The following RABEP1 variants were observed in gnomAD, a reference collection of about 807,000 sequenced individuals.
RABEP1 encodes rabaptin, RAB GTPase binding effector protein 1, also known as rab GTPase-binding effector protein 1.
A neutral mutation model predicts 123.4 loss-of-function variants in RABEP1; 51 were observed. That is an observed-to-expected ratio of 0.41 (90% CI 0.33 to 0.52). The LOEUF (loss-of-function observed/expected upper bound fraction) is 0.52. Among genes scored for constraint, RABEP1 ranks in the 20% least tolerant of loss-of-function variants. The pLI is 0.16. For synonymous variants in RABEP1, 347 were observed against 355.2 expected, an observed-to-expected ratio of 0.98 and a Z score of 0.26; for missense variants, 888 against 996.3, an observed-to-expected ratio of 0.89 and a Z score of 1.46.
chr17:5,380,955 C>T (rs1014276190), intron 16 of RABEP1, among the ~76,000 whole-genome samples: 4 of 152,176 alleles, frequency 2.6e-5, no homozygotes, highest in African/African-American at 7.2e-5. Context: ...AAGGCTCCCA[C>T]ACATCCTGCT....
At position 5,335,199 on chromosome 17, in the gene RABEP1, A is replaced by G. The variant is rs370985634; in HGVS notation, c.383A>G (p.Tyr128Cys). The G allele has an allele frequency of 1.2e-6, 2 of 1,611,652 alleles. No individual in the cohort carries two copies. The highest frequency in any genetic ancestry group is 1.3e-5 in the African/African-American group (1 of 74,876). ...QAVMKETVRDYEHQFHLRLEQ... is the reference protein window; with the variant it reads ...QAVMKETVRDCEHQFHLRLEQ... Reference sequence around the variant, plus strand: ...TGTTTTGTAGAAACAGTTCGTGACTATGAGCACCAGTTCCACCTTAGGCTG... The same window carrying G: ...TGTTTTGTAGAAACAGTTCGTGACTGTGAGCACCAGTTCCACCTTAGGCTG... Residue 128 changes from tyrosine to cysteine, a missense_variant, in exon 4 of 18, where the codon TAT (tyrosine) becomes TGT (cysteine). Tyr to Cys is a radical substitution (Grantham distance 194). Coordinates refer to ENST00000537505, the MANE Select transcript of RABEP1 (RefSeq NM_004703.6).
intron 11 of RABEP1, among the ~76,000 whole-genome samples, chr17:5,367,536 T>C (rs573139173): frequency 1.8e-4 from 28 of 151,902 alleles, no homozygotes; most frequent in Admixed American, 1.4e-3. Flanking sequence ...CCCAAAGTGC[T>C]AGGATTACAG....
At chr17:5,347,001 C>A in intron 6 of RABEP1, 76 bp downstream of exon 6, 1 of 1,186,766 alleles carries the variant, frequency 8.4e-7, no homozygotes, top group Admixed American at 2.9e-5. Flanking sequence ...ATAACAGTGA[C>A]AAATCTTAAA....
intron 1 of RABEP1, among the ~76,000 whole-genome samples, chr17:5,287,043 G>C (rs2144431949): frequency 6.6e-6 from 1 of 152,304 alleles, no homozygotes; most frequent in Non-Finnish European, 1.5e-5. Flanking sequence ...TGTCTGGCAT[G>C]TTTGAGTAAT....
At chr17:5,319,643 G>A (rs1458431875) in intron 2 of RABEP1, among the ~76,000 whole-genome samples, 1 of 152,018 alleles carries the variant, frequency 6.6e-6, no homozygotes, top group African/African-American at 2.4e-5. Context: ...GATTACAGGC[G>A]TGAGCTACCA....
At chr17:5,376,910 G>A (rs889156495) in intron 13 of RABEP1, among the ~76,000 whole-genome samples, 1 of 152,140 alleles carries the variant, frequency 6.6e-6, no homozygotes, top group African/African-American at 2.4e-5. Context: ...TACAAGATAC[G>A]ACTTGGCCAG....
At position 5,383,721 on chromosome 17, in the gene RABEP1, C is replaced by G. The variant is rs542150645; in HGVS notation, c.*498C>G. 3.8e-4 allele frequency: 47 copies of G among 123,424 alleles called. No homozygotes were observed. The highest frequency in any genetic ancestry group is 2.6e-3 in the South Asian group (6 of 2,266). The allele number at this position is 123,424 out of a possible 1,614,324, so 7.6% of individuals were successfully genotyped here. On this transcript the variant is annotated 3_prime_UTR_variant, in exon 18 of 18. Coordinates refer to ENST00000537505, the MANE Select transcript of RABEP1 (RefSeq NM_004703.6). ...AAAATATGAAGGTTTGAGAGCAGGC[C>G]ATTGGCTACTGACTGTATTTTGTTT...
chr17:5,309,671 GAAA>G (rs1298643449), intron 2 of RABEP1, among the ~76,000 whole-genome samples: 1 of 148,654 alleles, frequency 6.7e-6, no homozygotes, highest in African/African-American at 2.5e-5. Flanking sequence ...AAAAAAAAAA[GAAA>G]AAGAAACTGT....
At chr17:5,287,880 C>T (rs1424075709) in intron 1 of RABEP1, among the ~76,000 whole-genome samples, 1 of 151,968 alleles carries the variant, frequency 6.6e-6, no homozygotes, top group East Asian at 1.9e-4. Context: ...CTACTTCACT[C>T]CCACCTAGGT....
chr17:5,355,422 A>G (rs1309438842), intron 8 of RABEP1, among the ~76,000 whole-genome samples: 1 of 152,150 alleles, frequency 6.6e-6, no homozygotes, highest in African/African-American at 2.4e-5. Context: ...ATAAAAACTA[A>G]GATCCCCCAA....
intron 1 of RABEP1, 101 bp downstream of exon 1, chr17:5,282,621 G>A: frequency 1.2e-6 from 1 of 824,558 alleles, no homozygotes. Flanking sequence ...GGCGCGCGCA[G>A]GCCCCGGGGG....
chr17:5,308,659 GTTA>G, intron 1 of RABEP1, 32 bp from the exon 2 acceptor site: 2 of 1,581,148 alleles, frequency 1.3e-6, no homozygotes, highest in South Asian at 2.3e-5. Flanking sequence ...ATGAATAAAA[GTTA>G]TTACTTGTTA....
intron 7 of RABEP1, among the ~76,000 whole-genome samples, chr17:5,351,070 C>T (rs1319004518): frequency 2.0e-5 from 3 of 152,024 alleles, no homozygotes; most frequent in East Asian, 3.9e-4. Context: ...CTATCGTTAG[C>T]GTCAGTGTAT....
intron 17 of RABEP1, 22 bp from the exon 18 acceptor site, chr17:5,383,100 T>C (rs891274483): frequency 2.5e-6 from 4 of 1,605,634 alleles, no homozygotes; most frequent in African/African-American, 2.7e-5. Flanking sequence ...CACCTGTAGT[T>C]ATCTCACCAT....
At chr17:5,302,648 A>T (rs1216470716) in intron 1 of RABEP1, among the ~76,000 whole-genome samples, 4 of 138,148 alleles carry the variant, frequency 2.9e-5, no homozygotes, top group African/African-American at 1.1e-4. Flanking sequence ...CTGCAGCCTC[A>T]ACCTCCCAGG....
intron 9 of RABEP1, 91 bp from the exon 10 acceptor site, chr17:5,362,821 T>G: frequency 1.2e-6 from 1 of 824,922 alleles, no homozygotes; most frequent in South Asian, 1.5e-5. Flanking sequence ...CATGTTCTAC[T>G]GACTACCATT....
At chr17:5,343,041 C>T (rs968771433) in intron 5 of RABEP1, among the ~76,000 whole-genome samples, 2 of 152,158 alleles carry the variant, frequency 1.3e-5, no homozygotes, top group Non-Finnish European at 1.5e-5. Context: ...AGGTGGGTCA[C>T]CTGAGGTCAG....
At chr17:5,346,967 T>C (rs1319426601) in intron 6 of RABEP1, 42 bp downstream of exon 6, 21 of 1,479,864 alleles carry the variant, frequency 1.4e-5, no homozygotes, top group Non-Finnish European at 1.6e-5. Context: ...CTAAGAACCA[T>C]ATAAGTTAAA....
chr17:5,316,774 A>G (rs1038489713), intron 2 of RABEP1, among the ~76,000 whole-genome samples: 1 of 135,738 alleles, frequency 7.4e-6, no homozygotes, highest in Admixed American at 8.0e-5. Flanking sequence ...CAGAGTTTGC[A>G]GTGAACTGAG....
Sources: allele counts gnomAD v4.1 joint callset (sites outside exome capture counted in the v4.1 genomes callset), GRCh38; gene constraint gnomAD v4.1.1; transcripts MANE v1.5; gene names NCBI Gene and HGNC (gene_info 2026-07-23, HGNC 2026-07-21).